Variants in PRKCA observed in about 807,000 individuals in gnomAD.
PRKCA encodes the protein protein kinase C alpha type.
PRKCA carries 27 observed loss-of-function variants against 87.0 expected under a neutral mutation model. The ratio of observed to expected loss-of-function variants is 0.31; its 90% CI spans 0.23 to 0.43. The LOEUF is 0.43. Among genes scored for constraint, PRKCA ranks in the 20% least tolerant of loss-of-function variants. The pLI is 1.00. For synonymous variants in PRKCA, 329 were observed against 311.1 expected (o/e 1.06, Z -0.61); for missense variants, 518 against 852.3 (o/e 0.61, Z 4.88).
intron 2 of PRKCA, among the ~76,000 whole-genome samples, chr17:66,495,095 C>T (rs541740324): frequency 1.8e-4 from 17 of 96,836 alleles, no homozygotes; most frequent in East Asian, 1.7e-3. Flanking sequence ...AAGTGAGACC[C>T]GGTCTCAAAA....
intron 2 of PRKCA, among the ~76,000 whole-genome samples, chr17:66,469,628 A>G (rs1023891038): frequency 7.2e-5 from 11 of 152,244 alleles, no homozygotes; most frequent in African/African-American, 2.7e-4. Flanking sequence ...GACATTTTAC[A>G]TTAAATTATC....
chr17:66,801,112 C>T (rs898650693), intron 16 of PRKCA, among the ~76,000 whole-genome samples: 1 of 152,232 alleles, frequency 6.6e-6, no homozygotes, highest in Non-Finnish European at 1.5e-5. Context: ...TCTGCCGCTT[C>T]TCCATTCTCC....
chr17:66,796,833 G>A (rs996193834), intron 16 of PRKCA: 2 of 985,274 alleles, frequency 2.0e-6, no homozygotes, highest in African/African-American at 1.7e-5. Context: ...ACTGGGACCT[G>A]AATACAAGTG....
chr17:66,337,373 G>GT (rs1409383858), intron 2 of PRKCA, among the ~76,000 whole-genome samples: 2 of 152,118 alleles, frequency 1.3e-5, no homozygotes, highest in Non-Finnish European at 2.9e-5. Flanking sequence ...TTTCTAAGAG[G>GT]TAAGTATTGT....
intron 2 of PRKCA, among the ~76,000 whole-genome samples, chr17:66,461,221 AAAG>A (rs1914841733): frequency 6.6e-6 from 1 of 151,238 alleles, no homozygotes; most frequent in East Asian, 1.9e-4. Context: ...AAAAAAAAAA[AAAG>A]AAAAGAAAAT....
At position 66,805,557 on chromosome 17, in the gene PRKCA, G is replaced by C. The variant is rs1976012367; in HGVS notation, c.*1520G>C. 6.6e-6 allele frequency: 1 copy of C among 152,260 alleles called. No individual in the cohort carries two copies. Among genetic ancestry groups the C allele is most frequent in the African/African-American group, 2.4e-5 (1 of 41,448 alleles). The allele number at this position is 152,260 out of a possible 1,614,324, so 9.4% of individuals were successfully genotyped here. A position where few individuals can be genotyped will look rare whatever the true frequency, so the allele number is the denominator to read the frequency against. ...AATGGCTAGTTTACGTGATAGATTA[G>C]GCTCTTACTACATATGTGTGTGTAT... On this transcript the variant is annotated 3_prime_UTR_variant, in exon 17 of 17. Transcript: ENST00000413366.
intron 2 of PRKCA, among the ~76,000 whole-genome samples, chr17:66,489,263 T>C (rs1288296849): frequency 1.3e-5 from 2 of 150,808 alleles, no homozygotes; most frequent in Non-Finnish European, 3.0e-5. Flanking sequence ...TACATGACTG[T>C]GACCTGAATT....
At chr17:66,413,482 A>T (rs543182922) in intron 2 of PRKCA, among the ~76,000 whole-genome samples, 2 of 152,232 alleles carry the variant, frequency 1.3e-5, no homozygotes, top group South Asian at 4.1e-4. Context: ...TCCCTTCCCC[A>T]GAGGTCAGAG....
At chr17:66,632,966 G>A (rs1485626562) in intron 3 of PRKCA, among the ~76,000 whole-genome samples, 1 of 152,212 alleles carries the variant, frequency 6.6e-6, no homozygotes, top group Admixed American at 6.5e-5. Context: ...ATAGATGAGT[G>A]TTATTCACCA....
chr17:66,670,687 C>T (rs1189997405), intron 5 of PRKCA, among the ~76,000 whole-genome samples: 1 of 151,688 alleles, frequency 6.6e-6, no homozygotes, highest in African/African-American at 2.4e-5. Context: ...GGTGAAATCG[C>T]CATCTCTACC....
At chr17:66,633,469 G>C (rs1329949964) in intron 3 of PRKCA, among the ~76,000 whole-genome samples, 6 of 152,164 alleles carry the variant, frequency 3.9e-5, no homozygotes, top group African/African-American at 1.2e-4. Flanking sequence ...CATGATTCAT[G>C]AGAACACATC....
At chr17:66,609,491 T>C (rs146897147) in intron 3 of PRKCA, among the ~76,000 whole-genome samples, 67 of 152,336 alleles carry the variant, frequency 4.4e-4, no homozygotes, top group African/African-American at 1.6e-3. Flanking sequence ...CAATCATCGA[T>C]CAGTCCTGTC....
chr17:66,698,718 A>G (rs1046087510), intron 8 of PRKCA, among the ~76,000 whole-genome samples: 3 of 151,890 alleles, frequency 2.0e-5, no homozygotes, highest in African/African-American at 7.3e-5. Context: ...CATGCTTCTA[A>G]TCCCAGCACT....
At chr17:66,455,914 C>T (rs1914556674) in intron 2 of PRKCA, among the ~76,000 whole-genome samples, 1 of 152,132 alleles carries the variant, frequency 6.6e-6, no homozygotes. Flanking sequence ...CAGAACCTCA[C>T]AATGTCACCT....
In PRKCA at chr17:66,807,874, G is replaced by C. The variant is rs1423300402; in HGVS notation, c.*3837G>C. On this transcript the variant is annotated 3_prime_UTR_variant, in exon 17 of 17. Coordinates refer to ENST00000413366, the MANE Select transcript of PRKCA (RefSeq NM_002737.3). The surrounding 1 kb of genome is among the most constrained non-coding windows in gnomAD (Gnocchi z 4.3). ...GGAGCCAGAGAAGAACAGGGTTTGG[G>C]TGCATCCAGAAATATGCCTGCAGTA... The C allele has an allele frequency of 6.6e-6, 1 of 152,388 alleles. No individual in the cohort carries two copies. Among genetic ancestry groups the C allele is most frequent in the Non-Finnish European group, 1.5e-5 (1 of 68,148 alleles). The allele number at this position is 152,388 out of a possible 1,614,324, so 9.4% of individuals were successfully genotyped here.
intron 1 of PRKCA, among the ~76,000 whole-genome samples, chr17:66,305,293 A>T (rs1904756132): frequency 1.3e-5 from 2 of 152,220 alleles, no homozygotes; most frequent in South Asian, 4.1e-4. Flanking sequence ...GATGACTCTA[A>T]GTTAATTTTA....
intron 2 of PRKCA, chr17:66,416,501 A>G (rs1912159416): frequency 6.6e-6 from 1 of 152,260 alleles, no homozygotes; most frequent in Non-Finnish European, 1.5e-5. Context: ...CCCACCGTGT[A>G]GCCACCTGCC....
At chr17:66,359,926 A>G (rs923684263) in intron 2 of PRKCA, among the ~76,000 whole-genome samples, 2 of 152,178 alleles carry the variant, frequency 1.3e-5, no homozygotes, top group African/African-American at 2.4e-5. Context: ...ACCTCCTACT[A>G]AACTGCCCAT....
At chr17:66,609,435 C>A (rs1413236021) in intron 3 of PRKCA, among the ~76,000 whole-genome samples, 2 of 152,108 alleles carry the variant, frequency 1.3e-5, no homozygotes. Context: ...GAGACCAGCT[C>A]CATCCTGGAA....
Sources: allele counts gnomAD v4.1 joint callset (sites outside exome capture counted in the v4.1 genomes callset), GRCh38; gene constraint gnomAD v4.1.1; non-coding constraint Gnocchi (gnomAD v3.1); transcripts MANE v1.5; gene names NCBI Gene and HGNC (gene_info 2026-07-23, HGNC 2026-07-21).